Variants in CD164 observed in about 807,000 individuals in gnomAD.
CD164 encodes sialomucin core protein 24.
CD164 carries 11 observed loss-of-function variants against 24.6 expected under a neutral mutation model. The ratio of observed to expected loss-of-function variants is 0.45; its 90% CI spans 0.28 to 0.74. The LOEUF (loss-of-function observed/expected upper bound fraction) is 0.74. CD164 is among the 30% of genes least tolerant of loss of function. The pLI, the probability that CD164 is intolerant of heterozygous loss-of-function variation, is 0.13. For missense variants in CD164, 295 were observed against 243.7 expected, an observed-to-expected ratio of 1.21 and a Z score of -1.40; for synonymous variants, 126 against 100.3, an observed-to-expected ratio of 1.26 and a Z score of -1.53.
chr6:109,378,040 A>G (rs1771518882), intron 2 of CD164, 69 bp from the exon 3 acceptor site: 3 of 1,294,650 alleles, frequency 2.3e-6, no homozygotes, highest in Non-Finnish European at 3.3e-6. Context: ...TGACTCTGCT[A>G]CTAAGCTCTA....
intron 2 of CD164, among the ~76,000 whole-genome samples, chr6:109,379,344 AAAAC>A (rs1046472991): frequency 1.3e-5 from 2 of 152,186 alleles, no homozygotes; most frequent in African/African-American, 4.8e-5. Flanking sequence ...CATCTCATAA[AAAAC>A]AAACGACTGA....
At chr6:109,378,703 G>A (rs1001480283) in intron 2 of CD164, among the ~76,000 whole-genome samples, 1 of 151,852 alleles carries the variant, frequency 6.6e-6, no homozygotes, top group Non-Finnish European at 1.5e-5. Flanking sequence ...CATATAAAGG[G>A]GAAAGAGTAC....
chr6:109,377,546 T>C (rs1771479057), intron 3 of CD164, among the ~76,000 whole-genome samples: 1 of 150,176 alleles, frequency 6.7e-6, no homozygotes, highest in Non-Finnish European at 1.5e-5. Flanking sequence ...CAATCAACAA[T>C]CCCCAGTATC....
intron 1 of CD164, chr6:109,379,884 C>G (rs1771639170): frequency 2.2e-6 from 1 of 455,006 alleles, no homozygotes; most frequent in Non-Finnish European, 3.9e-6. Context: ...ACTCTCAGTA[C>G]AGTGCCTGAT....
chr6:109,370,785 T>C, intron 4 of CD164: 1 of 238,898 alleles, frequency 4.2e-6, no homozygotes, highest in Non-Finnish European at 8.1e-6. Context: ...AACATTTAGG[T>C]GAGGAAACTA....
At position 109,368,903 on chromosome 6, in the gene CD164, A is replaced by G; in HGVS notation, c.542T>C (p.Phe181Ser). The G allele has an allele frequency of 6.2e-7, 1 of 1,613,486 alleles. No homozygotes were observed. The highest frequency in any genetic ancestry group is 1.7e-5 in the Admixed American group (1 of 59,782). Residue 181 changes from phenylalanine (F) to serine (S), a missense_variant, in exon 6 of 6, where the codon TTC becomes TCC. Phe to Ser is a radical substitution (Grantham distance 155). Coordinates refer to ENST00000310786, the MANE Select transcript of CD164 (RefSeq NM_006016.6). ...VLVLGVQAVIFFLYKFCKSKE... is the reference protein window; with the variant it reads ...VLVLGVQAVISFLYKFCKSKE... ...AGATTTGCAGAATTTATAAAGAAAG[A>G]AAATTACAGCCTGCACACCCAAGAC...
In CD164 at chr6:109,382,410, C is replaced by T. The variant is rs1180096468; in HGVS notation, c.-32G>A. 2.7e-6 allele frequency: 4 copies of T among 1,484,112 alleles called. No homozygotes were observed. Among genetic ancestry groups the T allele is most frequent in the African/African-American group, 2.8e-5 (2 of 70,740 alleles). The allele number at this position is 1,484,112 out of a possible 1,614,324, so 91.9% of individuals were successfully genotyped here. On this transcript the variant is annotated 5_prime_UTR_variant, in exon 1 of 6. Coordinates refer to ENST00000310786, the MANE Select transcript of CD164 (RefSeq NM_006016.6). ...CTCAGCGCTGGCGTTCGGGAGAAAG[C>T]TAAGGCTCGCAACGCTCAGTCAACC... is the stretch of plus-strand genomic sequence containing the variant.
At chr6:109,379,895 G>T in intron 1 of CD164, 1 of 396,442 alleles carries the variant, frequency 2.5e-6, no homozygotes, top group Non-Finnish European at 4.6e-6. Flanking sequence ...AGTGCCTGAT[G>T]GTATCTGTCT....
In CD164 at chr6:109,382,328, C is replaced by A. The variant is rs1277900990; in HGVS notation, c.51G>T (p.Val17=). 6.4e-7 allele frequency: 1 copy of A among 1,570,812 alleles called. No homozygotes were observed. Among genetic ancestry groups the A allele is most frequent in the South Asian group, 1.2e-5 (1 of 85,652 alleles). The change falls in exon 1 of 6, where the codon GTG becomes GTT. Residue 17 remains valine, a synonymous_variant. Transcript: ENST00000310786. ...SLLWAATCLG[V]LCVLSADKNT... ...TCTTGTCCGCGGACAGCACGCAGAGCACGCCCAGGCAGGTGGCGGCCCAAA... is the reference window on the plus strand; with the variant it reads ...TCTTGTCCGCGGACAGCACGCAGAGAACGCCCAGGCAGGTGGCGGCCCAAA...
chr6:109,375,671 G>A (rs181947642), intron 4 of CD164, among the ~76,000 whole-genome samples: 7 of 150,430 alleles, frequency 4.7e-5, no homozygotes, highest in Non-Finnish European at 8.9e-5. Flanking sequence ...GAACGTTATC[G>A]TACAATTTCA....
intron 5 of CD164, among the ~76,000 whole-genome samples, chr6:109,369,835 A>T (rs1770978736): frequency 6.6e-6 from 1 of 152,196 alleles, no homozygotes; most frequent in South Asian, 2.1e-4. Flanking sequence ...TTTTTTAAAA[A>T]TATGGAGGGA....
At position 109,381,471 on chromosome 6, in the gene CD164, C is replaced by G; in HGVS notation, c.175+733G>C. 4.3e-6 allele frequency: 3 copies of G among 701,216 alleles called. No homozygotes were observed. In the South Asian group the frequency reaches 4.4e-5, roughly 10 times the overall value. The allele number at this position is 701,216 out of a possible 1,614,324, so 43.4% of individuals were successfully genotyped here. A position where few individuals can be genotyped will look rare whatever the true frequency, so the allele number is the denominator to read the frequency against. ...GTCAGGAGAGTTTACTCATCTCCGT[C>G]TCTGCATCTACCTCCTAGGTTTCAC... is the stretch of plus-strand genomic sequence containing the variant. On this transcript the variant is annotated intron_variant, in intron 1 of 5. Transcript: ENST00000310786.
At chr6:109,371,528 C>T (rs1771075108) in intron 4 of CD164, 1 of 153,792 alleles carries the variant, frequency 6.5e-6, no homozygotes, top group Non-Finnish European at 1.5e-5. Context: ...GGATTATAAG[C>T]ATGACTCACC....
intron 4 of CD164, among the ~76,000 whole-genome samples, chr6:109,375,617 C>CAAAAAAAA (rs58138405): frequency 1.8e-4 from 13 of 71,394 alleles, no homozygotes; most frequent in African/African-American, 3.3e-4. Flanking sequence ...ACTTCGCTTC[C>CAAAAAAAA]AAAAAAAAAA....
chr6:109,381,641 G>A lies in CD164; in HGVS notation c.175+563C>T. ...CGTCAGCTACATTCTATTCCTATCT[G>A]CAAAACCAATGTAATTAAATCTCAA... On this transcript the variant is annotated intron_variant, in intron 1 of 5. Coordinates refer to ENST00000310786, the MANE Select transcript of CD164 (RefSeq NM_006016.6). 4 of 699,354 alleles carry A rather than the reference G, an allele frequency of 5.7e-6. No homozygotes were observed. The South Asian group carries it at 5.9e-5, about 10-fold the overall frequency. 43.3% of individuals were successfully genotyped at this position (699,354 alleles called of 1,614,324 possible). A position where few individuals can be genotyped will look rare whatever the true frequency, so the allele number is the denominator to read the frequency against.
chr6:109,370,297 A>G (rs1309292949), intron 5 of CD164, 114 bp downstream of exon 5: 13 of 802,652 alleles, frequency 1.6e-5, no homozygotes, highest in Non-Finnish European at 2.5e-5. Flanking sequence ...GTAAGAGAAG[A>G]ATTTCAGTTC....
chr6:109,381,530 C>A (rs1051308091), intron 1 of CD164: 2 of 702,638 alleles, frequency 2.8e-6, no homozygotes. Flanking sequence ...AGGATACGTA[C>A]GCAAAACACC....
intron 2 of CD164, among the ~76,000 whole-genome samples, chr6:109,378,697 T>C (rs905749306): frequency 1.3e-5 from 2 of 152,080 alleles, no homozygotes; most frequent in Non-Finnish European, 2.9e-5. Context: ...TACTCCCATA[T>C]AAAGGGGAAA....
At chr6:109,374,457 T>C (rs909202228) in intron 4 of CD164, among the ~76,000 whole-genome samples, 2 of 152,152 alleles carry the variant, frequency 1.3e-5, no homozygotes, top group African/African-American at 4.8e-5. Context: ...TAAACTTATT[T>C]GCAAACATCT....
Sources: allele counts gnomAD v4.1 joint callset (sites outside exome capture counted in the v4.1 genomes callset), GRCh38; gene constraint gnomAD v4.1.1; transcripts MANE v1.5; gene names NCBI Gene and HGNC (gene_info 2026-07-23, HGNC 2026-07-21).